Variants in PRKCE observed in about 807,000 individuals in gnomAD.
The protein encoded by PRKCE is protein kinase C epsilon type.
Under a neutral mutation model 85.4 loss-of-function variants are expected in PRKCE, and 16 were observed. The ratio of observed to expected loss-of-function variants is 0.19; its 90% confidence interval spans 0.13 to 0.28. PRKCE has a LOEUF of 0.28. Among genes scored for constraint, PRKCE ranks in the 10% least tolerant of loss-of-function variants. The pLI, the probability that PRKCE is intolerant of heterozygous loss-of-function variation, is 1.00. For synonymous variants in PRKCE, 388 were observed against 371.5 expected, an observed-to-expected ratio of 1.04 and a Z score of -0.51; for missense variants, 573 against 975.2, an observed-to-expected ratio of 0.59 and a Z score of 5.49.
intron 1 of PRKCE, among the ~76,000 whole-genome samples, chr2:45,747,564 A>G (rs1282565632): frequency 1.3e-5 from 2 of 152,336 alleles, no homozygotes; most frequent in South Asian, 2.1e-4. Context: ...AGGCTGAGTA[A>G]TATTCCATTG....
intron 14 of PRKCE, chr2:46,164,753 C>A (rs138241693): frequency 1.3e-4 from 20 of 152,450 alleles, no homozygotes; most frequent in African/African-American, 4.8e-4. Flanking sequence ...AAGGACAGAG[C>A]CCCTTCGTGG....
intron 11 of PRKCE, among the ~76,000 whole-genome samples, chr2:46,089,884 C>T (rs1276022191): frequency 6.6e-6 from 1 of 152,216 alleles, no homozygotes; most frequent in East Asian, 1.9e-4. Flanking sequence ...ATACCATTGC[C>T]TCTCACTTCT....
At chr2:46,062,071 A>G (rs1574367864) in intron 10 of PRKCE, among the ~76,000 whole-genome samples, 1 of 152,074 alleles carries the variant, frequency 6.6e-6, no homozygotes, top group African/African-American at 2.4e-5. Context: ...CATGTTGGTC[A>G]GGCTGGTCTC....
At chr2:45,843,238 C>G (rs1225549941) in intron 2 of PRKCE, among the ~76,000 whole-genome samples, 175 bp downstream of exon 2, 1 of 152,190 alleles carries the variant, frequency 6.6e-6, no homozygotes, top group Non-Finnish European at 1.5e-5. Context: ...AGGGACCAGC[C>G]ATCTGTTAAC....
chr2:46,044,625 T>C (rs2105024296), intron 10 of PRKCE, among the ~76,000 whole-genome samples: 1 of 152,358 alleles, frequency 6.6e-6, no homozygotes, highest in Middle Eastern at 3.4e-3. Flanking sequence ...TTTAGCATTT[T>C]AAATGCAAAG....
At chr2:45,968,706 G>A (rs1701899038) in intron 2 of PRKCE, among the ~76,000 whole-genome samples, 1 of 152,234 alleles carries the variant, frequency 6.6e-6, no homozygotes, top group Non-Finnish European at 1.5e-5. Context: ...CACTGAGGTT[G>A]TGGGTGCCCC....
chr2:45,976,347 G>A, intron 2 of PRKCE, 82 bp from the exon 3 acceptor site: 1 of 1,478,934 alleles, frequency 6.8e-7, no homozygotes, highest in East Asian at 2.3e-5. Context: ...CCCCAGGGAT[G>A]GAGTAGCTCT....
chr2:46,143,889 C>T (rs898992539), intron 11 of PRKCE, among the ~76,000 whole-genome samples: 7 of 152,218 alleles, frequency 4.6e-5, no homozygotes, highest in Non-Finnish European at 8.8e-5. Context: ...TCCTGCCCCA[C>T]CTTTGCACTC....
Position 46,029,327 on chromosome 2 carries a change from C to G in PRKCE, c.1437+18810C>G, listed in dbSNP as rs542751156. Among the ~76,000 whole-genome samples the G allele has an allele frequency of 2.6e-5, 4 of 152,278 alleles. No homozygotes were observed. The South Asian group carries it at 8.3e-4, about 32-fold the overall frequency. On this transcript the variant is annotated intron_variant, in intron 10 of 14. Transcript: ENST00000306156. ...TCCTAGTGTTCATCATTCTACAGTG[C>G]TGTCTCAGATAATATGTTAAATTTA...
At chr2:46,014,081 C>T (rs1558960504) in intron 10 of PRKCE, among the ~76,000 whole-genome samples, 2 of 152,178 alleles carry the variant, frequency 1.3e-5, no homozygotes, top group Non-Finnish European at 2.9e-5. Context: ...TCATGTGCTC[C>T]ATCCGCTCCA....
intron 10 of PRKCE, among the ~76,000 whole-genome samples, chr2:46,083,068 C>T (rs946113293): frequency 6.6e-6 from 1 of 152,214 alleles, no homozygotes; most frequent in Non-Finnish European, 1.5e-5. Flanking sequence ...TTTCATGCCT[C>T]AGCCTCCTGA....
At chr2:45,810,958 A>C (rs1412983154) in intron 1 of PRKCE, among the ~76,000 whole-genome samples, 1 of 152,234 alleles carries the variant, frequency 6.6e-6, no homozygotes, top group Admixed American at 6.5e-5. Context: ...AGTCTTTCAC[A>C]ATTTTTCCTG....
chr2:46,079,402 T>C (rs1345561464), intron 10 of PRKCE, among the ~76,000 whole-genome samples: 1 of 152,170 alleles, frequency 6.6e-6, no homozygotes, highest in African/African-American at 2.4e-5. Context: ...AGTTTCTAGC[T>C]CTTGAAAAAC....
chr2:46,062,610 C>G (rs79355180), intron 10 of PRKCE, among the ~76,000 whole-genome samples: 4,661 of 151,730 alleles, frequency 0.031, 138 homozygotes, highest in East Asian at 0.15. Context: ...GACCAACCCT[C>G]CCCCACTTCA....
intron 11 of PRKCE, among the ~76,000 whole-genome samples, chr2:46,130,775 G>A (rs114376045): frequency 6.6e-6 from 1 of 152,212 alleles, no homozygotes; most frequent in Non-Finnish European, 1.5e-5. Flanking sequence ...AACACATTAA[G>A]ATATGTCCTG....
At chr2:45,846,112 G>A (rs1291212641) in intron 2 of PRKCE, among the ~76,000 whole-genome samples, 1 of 152,062 alleles carries the variant, frequency 6.6e-6, no homozygotes, top group Non-Finnish European at 1.5e-5. Context: ...ATCACAGGGG[G>A]TTCTGGTAAG....
In PRKCE at chr2:46,144,975, G is replaced by A. The variant is rs113345010; in HGVS notation, c.1593-118G>A. 15 of 1,460,548 alleles carry A rather than the reference G, an allele frequency of 1.0e-5. No individual in the cohort carries two copies. In the African/African-American group the frequency reaches 1.8e-4, roughly 18 times the overall value. 90.5% of individuals were successfully genotyped at this position (1,460,548 alleles called of 1,614,324 possible). A position where few individuals can be genotyped will look rare whatever the true frequency, so the allele number is the denominator to read the frequency against. ...CTGAGATGGGTTTCAAGAAACACAA[G>A]CTTCTTTCAGGACTTTTTTGCTGGA... On this transcript the variant is annotated intron_variant, in intron 11 of 14. Transcript: ENST00000306156.
intron 2 of PRKCE, among the ~76,000 whole-genome samples, chr2:45,912,789 G>T (rs1381527252): frequency 6.6e-6 from 1 of 152,156 alleles, no homozygotes; most frequent in African/African-American, 2.4e-5. Flanking sequence ...ATTTGGAAAT[G>T]ACAAAATAGA....
At chr2:46,062,568 C>T (rs1217040379) in intron 10 of PRKCE, among the ~76,000 whole-genome samples, 1 of 151,446 alleles carries the variant, frequency 6.6e-6, no homozygotes, top group Non-Finnish European at 1.5e-5. Context: ...CTTTGCAATG[C>T]AGTAACAATC....
Sources: allele counts gnomAD v4.1 joint callset (sites outside exome capture counted in the v4.1 genomes callset), GRCh38; gene constraint gnomAD v4.1.1; transcripts MANE v1.5; gene names NCBI Gene and HGNC (gene_info 2026-07-23, HGNC 2026-07-21).